KCNN2: variants seen among roughly 807,000 people sequenced by gnomAD.
KCNN2 encodes the protein potassium calcium-activated channel subfamily N member 2.
A neutral mutation model predicts 55.5 loss-of-function variants in KCNN2; 24 were observed. That is an observed-to-expected ratio of 0.43 (90% CI 0.31 to 0.61). The LOEUF is 0.61. KCNN2 is among the 20% of genes least tolerant of loss of function. The pLI, the probability that KCNN2 is intolerant of heterozygous loss-of-function variation, is 0.08. For synonymous variants in KCNN2, 431 were observed against 336.1 expected (o/e 1.28, Z -3.09); for missense variants, 754 against 853.6 (o/e 0.88, Z 1.45).
At chr5:114,172,055 C>G (rs1753044159) in intron 1 of KCNN2, among the ~76,000 whole-genome samples, 1 of 151,834 alleles carries the variant, frequency 6.6e-6, no homozygotes, top group South Asian at 2.1e-4. Context: ...TGCTTCTAAG[C>G]TTGACCAAGG....
intron 1 of KCNN2, among the ~76,000 whole-genome samples, chr5:114,084,318 A>C (rs1301192783): frequency 6.6e-6 from 1 of 152,064 alleles, no homozygotes; most frequent in Admixed American, 6.6e-5. Context: ...TCTCATTGCT[A>C]CACAGTCCCG....
chr5:114,085,065 T>TAC (rs1445842311), intron 1 of KCNN2, among the ~76,000 whole-genome samples: 2 of 151,346 alleles, frequency 1.3e-5, no homozygotes, highest in Non-Finnish European at 3.0e-5. Context: ...TATATATATA[T>TAC]ATATGTGTGT....
chr5:114,443,122 C>A (rs971239986), intron 3 of KCNN2, among the ~76,000 whole-genome samples: 2 of 151,998 alleles, frequency 1.3e-5, no homozygotes, highest in African/African-American at 2.4e-5. Context: ...GAAACCCTGT[C>A]TTTGCTAAAA....
chr5:114,396,294 T>G (rs1346494688), intron 2 of KCNN2, among the ~76,000 whole-genome samples: 1 of 147,434 alleles, frequency 6.8e-6, no homozygotes, highest in African/African-American at 2.4e-5. Flanking sequence ...TTTTGTTTTC[T>G]TAAGGGAGAC....
chr5:114,451,086 T>G (rs909532230), intron 3 of KCNN2, among the ~76,000 whole-genome samples: 10 of 152,250 alleles, frequency 6.6e-5, no homozygotes, highest in Non-Finnish European at 1.2e-4. Flanking sequence ...GATTTGAGAC[T>G]TTTAACTTAT....
intron 1 of KCNN2, among the ~76,000 whole-genome samples, chr5:114,163,970 T>C (rs1037085794): frequency 4.6e-5 from 7 of 152,296 alleles, no homozygotes; most frequent in Non-Finnish European, 5.9e-5. Context: ...GTGTAGAATA[T>C]TGAGACCAGA....
At chr5:114,062,286 C>G (rs1332978486) in intron 1 of KCNN2, among the ~76,000 whole-genome samples, 1 of 152,056 alleles carries the variant, frequency 6.6e-6, no homozygotes, top group African/African-American at 2.4e-5. Context: ...AATATCTGGG[C>G]AGGGCAGCGC....
At chr5:114,422,312 C>G (rs1479550968) in intron 3 of KCNN2, among the ~76,000 whole-genome samples, 1 of 151,936 alleles carries the variant, frequency 6.6e-6, no homozygotes, top group East Asian at 1.9e-4. Flanking sequence ...AGGGTGGAGC[C>G]CTCATGAATG....
intron 1 of KCNN2, among the ~76,000 whole-genome samples, chr5:114,104,735 A>G (rs1168173145): frequency 6.6e-6 from 1 of 152,012 alleles, no homozygotes; most frequent in Non-Finnish European, 1.5e-5. Flanking sequence ...CGCCTACCTC[A>G]GAATGGGGAG....
intron 1 of KCNN2, among the ~76,000 whole-genome samples, chr5:114,122,553 T>A (rs929318712): frequency 2.0e-5 from 3 of 152,138 alleles, no homozygotes; most frequent in African/African-American, 7.2e-5. Flanking sequence ...CCCTGCAAAA[T>A]TATTTGCCAA....
At chr5:114,272,707 T>C (rs527747296) in intron 2 of KCNN2, among the ~76,000 whole-genome samples, 2 of 152,174 alleles carry the variant, frequency 1.3e-5, no homozygotes, top group Non-Finnish European at 2.9e-5. Flanking sequence ...ATTGCTGATA[T>C]AAAGGAAAGC....
At chr5:114,281,996 C>A (rs1755634532) in intron 2 of KCNN2, among the ~76,000 whole-genome samples, 1 of 151,816 alleles carries the variant, frequency 6.6e-6, no homozygotes, top group South Asian at 2.1e-4. Context: ...AATTTTCATT[C>A]TCATTTTAAA....
intron 3 of KCNN2, among the ~76,000 whole-genome samples, chr5:114,456,486 G>C (rs1468828074): frequency 6.6e-6 from 1 of 152,218 alleles, no homozygotes; most frequent in Non-Finnish European, 1.5e-5. Flanking sequence ...GACAAGATTA[G>C]TGTTGTTTTC....
intron 1 of KCNN2, among the ~76,000 whole-genome samples, chr5:114,099,577 C>T (rs553466906): frequency 2.6e-5 from 4 of 152,186 alleles, no homozygotes; most frequent in South Asian, 2.1e-4. Context: ...CTTGAGATCA[C>T]GGGATCCTCC....
intron 2 of KCNN2, among the ~76,000 whole-genome samples, chr5:114,299,661 G>A (rs900713456): frequency 1.3e-5 from 2 of 152,046 alleles, no homozygotes; most frequent in African/African-American, 4.8e-5. Context: ...TCCCATCTCT[G>A]GGCACTGGCA....
At chr5:114,453,027 C>G (rs568998645) in intron 3 of KCNN2, among the ~76,000 whole-genome samples, 14 of 152,160 alleles carry the variant, frequency 9.2e-5, no homozygotes, top group South Asian at 2.1e-4. Flanking sequence ...CTGGTGGACA[C>G]GGCAATATCA....
chr5:114,361,273 C>T (rs529111486), upstream of KCNN2: 32 of 152,354 alleles, frequency 2.1e-4, no homozygotes, highest in African/African-American at 6.5e-4. Context: ...CCACCCCCGG[C>T]CGGGGTGCCG....
intron 1 of KCNN2, among the ~76,000 whole-genome samples, chr5:114,098,730 G>A (rs771042498): frequency 3.3e-5 from 5 of 152,142 alleles, no homozygotes; most frequent in Non-Finnish European, 7.3e-5. Flanking sequence ...GAAAAAGAAA[G>A]GTTCTGTGAT....
intron 1 of KCNN2, among the ~76,000 whole-genome samples, chr5:114,150,720 T>C (rs1752503543): frequency 6.6e-6 from 1 of 152,132 alleles, no homozygotes; most frequent in Non-Finnish European, 1.5e-5. Flanking sequence ...GGCAGCTTCT[T>C]ATAAAAACCA....
Sources: gnomAD v4.1 joint callset for allele counts (sites outside exome capture counted in the v4.1 genomes callset) on GRCh38, gnomAD v4.1.1 for gene constraint, MANE v1.5 for transcripts, NCBI Gene and HGNC (gene_info 2026-07-23, HGNC 2026-07-21) for gene names.